Variants in OSBPL9 observed in about 807,000 individuals in gnomAD.
The protein encoded by OSBPL9 is oxysterol binding protein like 9, also known as oxysterol-binding protein-related protein 9.
OSBPL9 carries 40 observed loss-of-function variants against 106.6 expected under a neutral mutation model. That is an observed-to-expected ratio of 0.38 (90% CI 0.29 to 0.49). OSBPL9 has a LOEUF of 0.49. Ranked by LOEUF, OSBPL9 falls within the 20% of genes least tolerant of loss-of-function variation. The probability of loss-of-function intolerance (pLI) is 0.97; values close to 1 mark genes in which losing one functional copy is unlikely to be tolerated. For synonymous variants in OSBPL9, 269 were observed against 295.4 expected (o/e 0.91, Z 0.92); for missense variants, 609 against 887.2 (o/e 0.69, Z 3.98).
At chr1:51,556,567 C>T in the OSBPL9 span, among the ~76,000 whole-genome samples, 1 of 151,812 alleles carries the variant, frequency 6.6e-6, no homozygotes, top group Non-Finnish European at 1.5e-5. Flanking sequence ...CTTTGGGAGG[C>T]CGAGGTCAGG....
At chr1:51,665,380 G>A (rs998426396) in intron 2 of OSBPL9, among the ~76,000 whole-genome samples, 1 of 152,188 alleles carries the variant, frequency 6.6e-6, no homozygotes, top group East Asian at 1.9e-4. Flanking sequence ...CCGACCTCAG[G>A]TGATCTGCCA....
At chr1:51,583,789 G>A (rs932451676) in intron 1 of OSBPL9, 1 of 152,152 alleles carries the variant, frequency 6.6e-6, no homozygotes, top group African/African-American at 2.4e-5. Context: ...CTTTGTCTCA[G>A]AACGTCTCTT....
chr1:51,563,579 T>A, the OSBPL9 span: 6 of 152,352 alleles, frequency 3.9e-5, no homozygotes, highest in East Asian at 1.2e-3. Context: ...TTGACATGTC[T>A]TTTGTCTCAT....
intron 1 of OSBPL9, among the ~76,000 whole-genome samples, chr1:51,646,631 G>A (rs1316657999): frequency 1.3e-5 from 2 of 151,994 alleles, no homozygotes; most frequent in Non-Finnish European, 2.9e-5. Flanking sequence ...ACAACCTCCT[G>A]GGTTCAAGCG....
chr1:51,649,480 G>A (rs1456732157), intron 1 of OSBPL9, among the ~76,000 whole-genome samples: 1 of 152,112 alleles, frequency 6.6e-6, no homozygotes. Flanking sequence ...CCTATGAATA[G>A]GAAAGTAAAG....
At chr1:51,773,863 ATGT>A (rs1557852282) in intron 14 of OSBPL9, among the ~76,000 whole-genome samples, 1 of 152,202 alleles carries the variant, frequency 6.6e-6, no homozygotes, top group Non-Finnish European at 1.5e-5. Context: ...CTTACTAGGA[ATGT>A]TCTAGGTAGG....
the OSBPL9 span, among the ~76,000 whole-genome samples, chr1:51,531,243 A>G: frequency 2.0e-5 from 3 of 152,228 alleles, no homozygotes; most frequent in Admixed American, 2.0e-4. Flanking sequence ...GTGCCACTGC[A>G]CTCCAGCCTG....
chr1:51,703,748 C>T (rs189988673), intron 3 of OSBPL9, among the ~76,000 whole-genome samples: 82 of 152,268 alleles, frequency 5.4e-4, no homozygotes, highest in African/African-American at 1.7e-3. Context: ...CCAGTTTTTG[C>T]CCATTCAGTA....
At chr1:51,541,881 C>A in the OSBPL9 span, among the ~76,000 whole-genome samples, 2 of 150,912 alleles carry the variant, frequency 1.3e-5, no homozygotes, top group Admixed American at 1.4e-4. Flanking sequence ...CTCACATTTA[C>A]CCAGCCTTTT....
At chr1:51,617,266 T>G in intron 1 of OSBPL9, 45 bp downstream of exon 1, 1 of 1,551,326 alleles carries the variant, frequency 6.4e-7, no homozygotes, top group Non-Finnish European at 8.8e-7. Flanking sequence ...GGGGCCGCGT[T>G]TCCTGGGTGG....
chr1:51,707,867 G>A (rs1658937072), intron 3 of OSBPL9: 1 of 214,214 alleles, frequency 4.7e-6, no homozygotes. Context: ...CAACAACATA[G>A]TCAGCACCAG....
At chr1:51,682,047 C>T (rs770220102) in intron 3 of OSBPL9, among the ~76,000 whole-genome samples, 10 of 151,852 alleles carry the variant, frequency 6.6e-5, no homozygotes, top group Admixed American at 1.3e-4. Flanking sequence ...ACCAAAAATA[C>T]AAAAATTAGC....
In OSBPL9 at chr1:51,672,277, C is replaced by T. The variant is rs1250097372; in HGVS notation, c.241+2765C>T. Among the ~76,000 whole-genome samples the T allele has an allele frequency of 3.3e-5, 5 of 152,282 alleles. No homozygotes were observed. The East Asian group carries it at 9.6e-4, about 29-fold the overall frequency. The stretch of plus-strand genomic sequence containing the variant: ...CCAGAAGAGAGGTGGTAGTGGCTCC[C>T]ACATGGTAGCAGTGGAGATGGGGAG... On this transcript the variant is annotated intron_variant, in intron 3 of 23. Transcript: ENST00000428468.
At chr1:51,754,527 A>G (rs779520774) in intron 8 of OSBPL9, among the ~76,000 whole-genome samples, 1 of 152,188 alleles carries the variant, frequency 6.6e-6, no homozygotes, top group Non-Finnish European at 1.5e-5. Context: ...ATGCAAATAA[A>G]TACTGTTGAT....
chr1:51,628,725 C>T (rs1185438927), intron 1 of OSBPL9, among the ~76,000 whole-genome samples: 9 of 143,504 alleles, frequency 6.3e-5, no homozygotes, highest in Non-Finnish European at 7.6e-5. Context: ...GCTCTGTTGC[C>T]CAGGCTGGAG....
At chr1:51,628,472 A>C (rs1287119519) in intron 1 of OSBPL9, among the ~76,000 whole-genome samples, 1 of 151,570 alleles carries the variant, frequency 6.6e-6, no homozygotes, top group Non-Finnish European at 1.5e-5. Context: ...TAATTTCAAT[A>C]CGTTGGGAGG....
At chr1:51,728,640 A>G (rs776766369) in intron 4 of OSBPL9, among the ~76,000 whole-genome samples, 2 of 152,182 alleles carry the variant, frequency 1.3e-5, no homozygotes, top group African/African-American at 2.4e-5. Context: ...ACATACAACA[A>G]ACTGAAGGTA....
At chr1:51,571,279 T>C in the OSBPL9 span, among the ~76,000 whole-genome samples, 2 of 152,220 alleles carry the variant, frequency 1.3e-5, no homozygotes, top group Non-Finnish European at 2.9e-5. Context: ...TCACAGGTCC[T>C]GATTCAGACA....
intron 4 of OSBPL9, among the ~76,000 whole-genome samples, chr1:51,743,277 G>A (rs1345542031): frequency 6.6e-6 from 1 of 152,234 alleles, no homozygotes; most frequent in South Asian, 2.1e-4. Context: ...ACCTTGTGAA[G>A]TGTGAAGTTT....
Sources: gnomAD v4.1 joint callset for allele counts (sites outside exome capture counted in the v4.1 genomes callset) on GRCh38, gnomAD v4.1.1 for gene constraint, MANE v1.5 for transcripts, NCBI Gene and HGNC (gene_info 2026-07-23, HGNC 2026-07-21) for gene names.